DOP1B: variants seen among roughly 807,000 people sequenced by gnomAD.
DOP1B encodes the protein protein DOP1B.
Under a neutral mutation model 233.5 loss-of-function variants are expected in DOP1B, and 174 were observed. That is an observed-to-expected ratio of 0.75 (90% CI 0.66 to 0.85). The LOEUF is 0.85. DOP1B is among the 40% of genes least tolerant of loss of function. The probability of loss-of-function intolerance (pLI) is 0.00; values close to 1 mark genes in which losing one functional copy is unlikely to be tolerated. For missense variants in DOP1B, 2,652 were observed against 2,846.6 expected, an observed-to-expected ratio of 0.93 and a Z score of 1.56; for synonymous variants, 1,190 against 1,185.6, an observed-to-expected ratio of 1.00 and a Z score of -0.08.
chr21:36,253,309 C>G (rs757787720), intron 22 of DOP1B, among the ~76,000 whole-genome samples: 1 of 152,232 alleles, frequency 6.6e-6, no homozygotes, highest in Non-Finnish European at 1.5e-5. Context: ...AAACATACCA[C>G]TATTACAGCC....
At chr21:36,188,538 T>G (rs1310770090) in intron 2 of DOP1B, among the ~76,000 whole-genome samples, 2 of 152,218 alleles carry the variant, frequency 1.3e-5, no homozygotes, top group Non-Finnish European at 2.9e-5. Context: ...GGCAGGTGCT[T>G]CACTGAGCGT....
intron 33 of DOP1B, among the ~76,000 whole-genome samples, chr21:36,288,538 AC>A (rs1385319324): frequency 1.3e-5 from 2 of 152,172 alleles, no homozygotes; most frequent in Non-Finnish European, 2.9e-5. Flanking sequence ...ACAAAAAAAT[AC>A]AAAAATTAAT....
At position 36,222,500 on chromosome 21, in the gene DOP1B, C is replaced by T. The variant is rs569988291; in HGVS notation, c.1251-731C>T. On this transcript the variant is annotated intron_variant, in intron 10 of 36. Transcript: ENST00000691173. ...ACTCGGGAGGCTGAGGCAGGAGAAT[C>T]GCTTGAACCTGGGAGGCAGAGATTG... Among the ~76,000 whole-genome samples the T allele has an allele frequency of 3.3e-5, 5 of 151,178 alleles. No individual in the cohort carries two copies. The South Asian group carries it at 6.3e-4, about 19-fold the overall frequency.
chr21:36,260,984 A>C, intron 24 of DOP1B: 1 of 1,231,296 alleles, frequency 8.1e-7, no homozygotes, highest in Non-Finnish European at 1.0e-6. Context: ...AGGCCTGTTA[A>C]ACTTTAAAAG....
Position 36,245,549 on chromosome 21 carries a change from A to C in DOP1B, c.3569A>C (p.Glu1190Ala), listed in dbSNP as rs1361295918. The change falls in exon 19 of 37, where the codon GAG (glutamate) becomes GCG (alanine). Residue 1190 changes from glutamate (E) to alanine (A), a missense_variant. By Grantham distance (107) the Glu-to-Ala change is moderately radical (BLOSUM62 -1). Around this residue, in one of 3 missense-constraint regions of DOP1B, gnomAD observed 2,617 missense variants for 2,794.3 expected, o/e 0.94. Coordinates refer to ENST00000691173, the MANE Select transcript of DOP1B (RefSeq NM_001320714.2). This position sits in a 1 kb window ranked among gnomAD's most constrained non-coding sequence, Gnocchi z 5.5. The stretch of plus-strand genomic sequence containing the variant: ...GACTCGGACAAGACGCAGGCTTCTG[A>C]GTCGTTCTCCAGCGACGAGGAGGCG... ...RVDSDKTQAS[E>A]SFSSDEEADL... 11 of 1,613,530 alleles carry C rather than the reference A, an allele frequency of 6.8e-6. No individual in the cohort carries two copies. The highest frequency in any genetic ancestry group is 8.5e-6 in the Non-Finnish European group (10 of 1,180,004).
intron 4 of DOP1B, among the ~76,000 whole-genome samples, chr21:36,201,840 G>A (rs1782698120): frequency 6.6e-6 from 1 of 152,096 alleles, no homozygotes. Context: ...TTGTGTGTGT[G>A]TGTGTGTGTG....
At chr21:36,232,216 C>T (rs2066775527) in intron 14 of DOP1B, among the ~76,000 whole-genome samples, 1 of 152,138 alleles carries the variant, frequency 6.6e-6, no homozygotes, top group South Asian at 2.1e-4. Context: ...CTCCTGGCCT[C>T]ATATGATCTG....
At chr21:36,263,949 T>C in intron 26 of DOP1B, 135 bp downstream of exon 26, 1 of 916,814 alleles carries the variant, frequency 1.1e-6, no homozygotes, top group South Asian at 1.6e-5. Flanking sequence ...TTCTCAAGTC[T>C]TACTTCTGCC....
At chr21:36,264,795 T>C (rs2067214235) in intron 26 of DOP1B, among the ~76,000 whole-genome samples, 1 of 152,178 alleles carries the variant, frequency 6.6e-6, no homozygotes, top group East Asian at 1.9e-4. Flanking sequence ...TTTCTTTCCT[T>C]AAACGCCTTA....
chr21:36,182,142 T>C (rs2066106346), intron 2 of DOP1B, among the ~76,000 whole-genome samples: 1 of 152,182 alleles, frequency 6.6e-6, no homozygotes, highest in Non-Finnish European at 1.5e-5. Context: ...GATAATCTAA[T>C]TCCGATTTGT....
At chr21:36,214,741 A>G (rs1398227397) in intron 9 of DOP1B, among the ~76,000 whole-genome samples, 185 bp downstream of exon 9, 2 of 152,198 alleles carry the variant, frequency 1.3e-5, no homozygotes, top group African/African-American at 2.4e-5. Context: ...CAAGTTTTGC[A>G]TGGCTGGGCG....
intron 12 of DOP1B, among the ~76,000 whole-genome samples, chr21:36,227,423 T>A (rs1254494348): frequency 6.6e-6 from 1 of 151,018 alleles, no homozygotes; most frequent in African/African-American, 2.4e-5. Flanking sequence ...GGTGGGCACC[T>A]GTAGTCCCAG....
intron 2 of DOP1B, among the ~76,000 whole-genome samples, chr21:36,173,659 A>G (rs7283454): frequency 0.9 from 136,315 of 151,940 alleles, 61,359 homozygotes; most frequent in African/African-American, 0.98. Context: ...TCCTGACCTC[A>G]TGATTCATCC....
chr21:36,228,808 TAAAATAA>T (rs1285598567), intron 13 of DOP1B, among the ~76,000 whole-genome samples: 65 of 133,118 alleles, frequency 4.9e-4, no homozygotes, highest in East Asian at 3.8e-3. Context: ...TAAAATAAAA[TAAAATAA>T]AATAAAATAA....
In DOP1B at chr21:36,277,961, C is replaced by T; in HGVS notation, c.5713-14C>T. On this transcript the variant is annotated splice_polypyrimidine_tract_variant and intron_variant, in intron 28 of 36. Coordinates refer to ENST00000691173, the MANE Select transcript of DOP1B (RefSeq NM_001320714.2). ...CTGGCCAGTTTCTGTTTTCTTAGGG[C>T]CTTGTTCTTTTAGGTACTGGCTTCC... 1 of 1,609,674 alleles carries T rather than the reference C, an allele frequency of 6.2e-7. No homozygotes were observed. The highest frequency in any genetic ancestry group is 8.5e-7 in the Non-Finnish European group (1 of 1,176,146).
intron 1 of DOP1B, among the ~76,000 whole-genome samples, chr21:36,159,549 G>A (rs762536979): frequency 1.3e-5 from 2 of 152,186 alleles, no homozygotes; most frequent in Non-Finnish European, 2.9e-5. Flanking sequence ...CCCATATTTC[G>A]AAATAAAGGA....
chr21:36,199,346 G>T (rs1008412896), intron 3 of DOP1B, 95 bp downstream of exon 3: 45 of 1,460,110 alleles, frequency 3.1e-5, no homozygotes, highest in Non-Finnish European at 4.0e-5. Flanking sequence ...CAAAATAAGC[G>T]TAGGGCTGTG....
intron 36 of DOP1B, 23 bp downstream of exon 36, chr21:36,292,256 C>CTTT (rs55884666): frequency 0.031 from 41,173 of 1,321,734 alleles, 132 homozygotes; most frequent in Non-Finnish European, 0.035. Context: ...CTTTTCTTTT[C>CTTT]TTTTTTTTTT....
chr21:36,292,354 T>C (rs921753468), intron 36 of DOP1B, 121 bp downstream of exon 36: 2 of 725,550 alleles, frequency 2.8e-6, no homozygotes, highest in African/African-American at 3.7e-5. Context: ...CCTCCCAGGT[T>C]CAAGTGATTC....
Sources: allele counts gnomAD v4.1 joint callset (sites outside exome capture counted in the v4.1 genomes callset), GRCh38; gene constraint gnomAD v4.1.1; regional missense constraint gnomAD v4.1.1; non-coding constraint Gnocchi (gnomAD v3.1); transcripts MANE v1.5; gene names NCBI Gene and HGNC (gene_info 2026-07-23, HGNC 2026-07-21).